Variants in TSHZ3 observed in about 807,000 individuals in gnomAD.
TSHZ3 encodes the protein teashirt zinc finger homeobox 3.
In TSHZ3, 10 loss-of-function variants were observed where a neutral mutation model predicts 64.5. The ratio of observed to expected loss-of-function variants is 0.16; its 90% CI spans 0.10 to 0.26. The LOEUF (loss-of-function observed/expected upper bound fraction) is 0.26. TSHZ3 is among the 10% of genes least tolerant of loss of function. The pLI, the probability that TSHZ3 is intolerant of heterozygous loss-of-function variation, is 1.00. For synonymous variants in TSHZ3, 608 were observed against 593.1 expected, an observed-to-expected ratio of 1.03 and a Z score of -0.36; for missense variants, 1,242 against 1,421.7, an observed-to-expected ratio of 0.87 and a Z score of 2.03.
intron 3 of TSHZ3, among the ~76,000 whole-genome samples, chr19:31,241,377 T>C (rs1975686703): frequency 6.6e-6 from 1 of 152,340 alleles, no homozygotes; most frequent in Middle Eastern, 3.4e-3. Context: ...TCTTGAAAGA[T>C]GCTGAGATGT....
intron 5 of TSHZ3, among the ~76,000 whole-genome samples, chr19:31,166,591 C>T (rs1974455447): frequency 6.6e-6 from 1 of 152,180 alleles, no homozygotes; most frequent in Non-Finnish European, 1.5e-5. Flanking sequence ...CCAGCCTCTC[C>T]TGGGGTCAAC....
chr19:31,281,900 GC>G (rs1400834812), intron 1 of TSHZ3, among the ~76,000 whole-genome samples: 2 of 152,176 alleles, frequency 1.3e-5, no homozygotes, highest in Non-Finnish European at 2.9e-5. Context: ...GTCCCAATTT[GC>G]CTGGAGCTGT....
At position 31,210,163 on chromosome 19, in the gene TSHZ3, G is replaced by A. The variant is rs1446307084; in HGVS notation, n.687-5085C>T. On this transcript the variant is annotated intron_variant and non_coding_transcript_variant, in intron 4 of 6. Transcript: ENST00000651361. The stretch of plus-strand genomic sequence containing the variant: ...CCAAGCCAGGCAAATGAGTGCAGGG[G>A]AAATGGAGGTAGGGCAGGTCCAGGG... Among the ~76,000 whole-genome samples, 5 of 152,110 alleles carry A rather than the reference G, an allele frequency of 3.3e-5. No homozygotes were observed. In the East Asian group the frequency reaches 7.8e-4, roughly 24 times the overall value.
intron 4 of TSHZ3, among the ~76,000 whole-genome samples, chr19:31,214,403 C>A (rs1010543993): frequency 6.6e-6 from 1 of 152,184 alleles, no homozygotes; most frequent in Non-Finnish European, 1.5e-5. Flanking sequence ...AGTGACTCTG[C>A]CCCATACCTG....
At chr19:31,287,049 C>T (rs1195954622) in intron 1 of TSHZ3, among the ~76,000 whole-genome samples, 1 of 152,186 alleles carries the variant, frequency 6.6e-6, no homozygotes, top group Non-Finnish European at 1.5e-5. Context: ...GGTGGAATTA[C>T]TTTCATCACA....
At chr19:31,274,704 C>CTTTCTTGTG (rs1233807380), downstream of TSHZ3, among the ~76,000 whole-genome samples, 1 of 151,868 alleles carries the variant, frequency 6.6e-6, no homozygotes, top group African/African-American at 2.4e-5. Context: ...GCATATCTTC[C>CTTTCTTGTG]TTTCTTGTGA....
intron 1 of TSHZ3, among the ~76,000 whole-genome samples, chr19:31,249,970 G>A (rs891066517): frequency 6.6e-6 from 1 of 152,200 alleles, no homozygotes; most frequent in Admixed American, 6.5e-5. Flanking sequence ...CCTCCCTGGA[G>A]CCTCGGTTCT....
At chr19:31,349,061 C>T in intron 1 of TSHZ3, 119 bp downstream of exon 1, 2 of 1,309,766 alleles carry the variant, frequency 1.5e-6, no homozygotes, top group Non-Finnish European at 2.0e-6. Flanking sequence ...GAGCGGCGCC[C>T]GGAGTTACTC....
chr19:31,200,958 T>G (rs1184046559), intron 5 of TSHZ3, among the ~76,000 whole-genome samples: 1 of 152,170 alleles, frequency 6.6e-6, no homozygotes, highest in Non-Finnish European at 1.5e-5. Context: ...TACCACATAT[T>G]AAACTGTACT....
chr19:31,219,608 T>A (rs1975374071), intron 4 of TSHZ3, among the ~76,000 whole-genome samples: 1 of 152,108 alleles, frequency 6.6e-6, no homozygotes. Context: ...GCCTGTGCAA[T>A]GGCAGAACTG....
At position 31,278,503 on chromosome 19, in the gene TSHZ3, G is replaced by A. The variant is rs1287127275; in HGVS notation, c.1290C>T (p.Val430=). 1.2e-6 allele frequency: 2 copies of A among 1,614,024 alleles called. No homozygotes were observed. Among genetic ancestry groups the A allele is most frequent in the East Asian group, 4.5e-5 (2 of 44,864 alleles). Residue 430 remains valine (V), a synonymous_variant, in exon 2 of 2, where the codon GTC becomes GTT. Coordinates refer to ENST00000240587, the MANE Select transcript of TSHZ3 (RefSeq NM_020856.4). This position sits in a 1 kb window ranked among gnomAD's most constrained non-coding sequence, Gnocchi z 4.7. ...CCAGCAGGGTTGTGATGGTAGGTGT[G>A]ACAGGCGTCTCCACAATGGGCTTCC... The part of the protein sequence containing the change: ...KKGKPIVETP[V]TPTITTLLDE...
chr19:31,219,535 T>C (rs1310021029), intron 4 of TSHZ3, among the ~76,000 whole-genome samples: 3 of 152,198 alleles, frequency 2.0e-5, no homozygotes, highest in Admixed American at 1.3e-4. Flanking sequence ...GGAAATGTTC[T>C]ATATTTCCTT....
Position 31,349,151 on chromosome 19 carries a change from GAGC to G in TSHZ3, c.40+26_40+28del. 5 of 1,539,644 alleles carry G rather than the reference GAGC, an allele frequency of 3.2e-6. No individual in the cohort carries two copies. In the South Asian group the frequency reaches 6.0e-5, roughly 19 times the overall value. ...GGCGAGCGGAGGAAGAGGAGGAGGA[GAGC>G]AGAAGGAAGGGGAAGCGGCTCGTAC... On this transcript the variant is annotated intron_variant, in intron 1 of 1. Coordinates refer to ENST00000240587, the MANE Select transcript of TSHZ3 (RefSeq NM_020856.4).
chr19:31,156,393 C>G (rs75805405), exon 6 of TSHZ3, among the ~76,000 whole-genome samples: 4,578 of 152,206 alleles, frequency 0.03, 214 homozygotes, highest in African/African-American at 0.1. Flanking sequence ...TTCCCGATTC[C>G]GATGCCCACA....
intron 3 of TSHZ3, among the ~76,000 whole-genome samples, chr19:31,233,220 C>T (rs1345354384): frequency 1.3e-5 from 2 of 152,332 alleles, no homozygotes; most frequent in African/African-American, 4.8e-5. Context: ...AGTTGCTCAA[C>T]ATCCTTAACA....
rs750792267 is a variant in TSHZ3 at position 31,278,618 on chromosome 19, C to G, written c.1175G>C (p.Gly392Ala). Reference sequence around the variant, plus strand: ...CTCCTGCAGGGTGTCATGCGAGCTCCCACACTCCATGCACTTCAGGATCTG... The same window carrying G: ...CTCCTGCAGGGTGTCATGCGAGCTCGCACACTCCATGCACTTCAGGATCTG... The part of the protein sequence containing the change: ...KSQILKCMEC[G>A]SSHDTLQELT... Residue 392 changes from glycine to alanine, a missense_variant, in exon 2 of 2, where the codon GGG (glycine) becomes GCG (alanine). Around this residue, in one of 4 missense-constraint regions of TSHZ3, gnomAD observed 555 missense variants for 704.0 expected, o/e 0.79. Transcript: ENST00000240587. The surrounding 1 kb of genome is among the most constrained non-coding windows in gnomAD (Gnocchi z 4.7). 3.1e-6 allele frequency: 5 copies of G among 1,614,038 alleles called. No individual in the cohort carries two copies. Among genetic ancestry groups the G allele is most frequent in the Non-Finnish European group, 4.2e-6 (5 of 1,180,036 alleles).
intron 1 of TSHZ3, among the ~76,000 whole-genome samples, chr19:31,338,615 A>C (rs1474397687): frequency 8.0e-6 from 1 of 125,088 alleles, no homozygotes; most frequent in Non-Finnish European, 1.7e-5. Flanking sequence ...CACGGAGTTT[A>C]AAAAAAATCA....
intron 3 of TSHZ3, among the ~76,000 whole-genome samples, chr19:31,237,686 C>T (rs1220581030): frequency 2.0e-5 from 3 of 152,124 alleles, no homozygotes; most frequent in Non-Finnish European, 2.9e-5. Context: ...ATAGAAACAT[C>T]AATAATTGGT....
At chr19:31,296,071 G>A (rs1268493605) in intron 1 of TSHZ3, among the ~76,000 whole-genome samples, 1 of 151,054 alleles carries the variant, frequency 6.6e-6, no homozygotes. Flanking sequence ...CATAGCAGAA[G>A]GTAGGAAAAG....
Sources: allele counts gnomAD v4.1 joint callset (sites outside exome capture counted in the v4.1 genomes callset), GRCh38; gene constraint gnomAD v4.1.1; regional missense constraint gnomAD v4.1.1; non-coding constraint Gnocchi (gnomAD v3.1); transcripts MANE v1.5; gene names NCBI Gene and HGNC (gene_info 2026-07-23, HGNC 2026-07-21).